The following GALNTL6 variants were observed in gnomAD, a reference collection of about 807,000 sequenced individuals.
GALNTL6 encodes polypeptide N-acetylgalactosaminyltransferase like 6, also known as polypeptide N-acetylgalactosaminyltransferase-like 6.
A neutral mutation model predicts 73.7 loss-of-function variants in GALNTL6; 46 were observed. That is an observed-to-expected ratio of 0.62 (90% confidence interval 0.49 to 0.80). GALNTL6 has a LOEUF of 0.80. Ranked by LOEUF, GALNTL6 falls within the 30% of genes least tolerant of loss-of-function variation. The pLI is 0.00. For synonymous variants in GALNTL6, 259 were observed against 263.7 expected, an observed-to-expected ratio of 0.98 and a Z score of 0.17; for missense variants, 604 against 755.0, an observed-to-expected ratio of 0.80 and a Z score of 2.34.
chr4:172,387,154 A>G (rs948471734), intron 5 of GALNTL6, among the ~76,000 whole-genome samples: 3 of 152,120 alleles, frequency 2.0e-5, no homozygotes, highest in South Asian at 2.1e-4. Flanking sequence ...ATAACCTTCT[A>G]TGGGAGTATG....
intron 2 of GALNTL6, among the ~76,000 whole-genome samples, chr4:171,991,054 G>A (rs1740316817): frequency 6.6e-6 from 1 of 152,080 alleles, no homozygotes; most frequent in African/African-American, 2.4e-5. Context: ...ATGGAACTGA[G>A]AGACTTCAGC....
chr4:172,255,009 A>T (rs1263505731), intron 3 of GALNTL6, among the ~76,000 whole-genome samples: 1 of 151,680 alleles, frequency 6.6e-6, no homozygotes, highest in Non-Finnish European at 1.5e-5. Context: ...AATAGAAATG[A>T]ATTTGTTCAT....
At chr4:172,717,747 G>A (rs1382592717) in intron 5 of GALNTL6, among the ~76,000 whole-genome samples, 1 of 152,084 alleles carries the variant, frequency 6.6e-6, no homozygotes, top group Non-Finnish European at 1.5e-5. Context: ...CTTACTAAAT[G>A]GTATCCTGGT....
At chr4:172,217,724 G>A (rs541864319) in intron 2 of GALNTL6, among the ~76,000 whole-genome samples, 8 of 152,028 alleles carry the variant, frequency 5.3e-5, no homozygotes, top group African/African-American at 1.9e-4. Context: ...TAAATTCACT[G>A]CCCACTCATT....
chr4:172,613,877 A>G lies in GALNTL6; in HGVS notation c.554-195484A>G, dbSNP rs542223510. On this transcript the variant is annotated intron_variant, in intron 5 of 12. Transcript: ENST00000506823. ...ACCCCTTTGTCTCTGCAGCAAGTGT[A>G]TCAGAGTTTATTTTCAACTAAGCTG... Among the ~76,000 whole-genome samples, 17 of 152,240 alleles carry G rather than the reference A, an allele frequency of 1.1e-4. No homozygotes were observed. The South Asian group carries it at 3.1e-3, about 28-fold the overall frequency.
intron 5 of GALNTL6, among the ~76,000 whole-genome samples, chr4:172,429,306 G>A (rs907021032): frequency 6.6e-6 from 1 of 151,472 alleles, no homozygotes; most frequent in Non-Finnish European, 1.5e-5. Flanking sequence ...CTGCATTCCG[G>A]GTTCAAGCGA....
At chr4:171,988,438 T>TGTCAGGG (rs1740189210) in intron 2 of GALNTL6, among the ~76,000 whole-genome samples, 2 of 151,992 alleles carry the variant, frequency 1.3e-5, no homozygotes, top group Admixed American at 6.6e-5. Context: ...GCCTAATGGG[T>TGTCAGGG]GTCAGGGTCA....
chr4:172,318,302 G>T (rs1740636112), intron 4 of GALNTL6, among the ~76,000 whole-genome samples: 1 of 152,150 alleles, frequency 6.6e-6, no homozygotes, highest in Non-Finnish European at 1.5e-5. Context: ...TAACTAAGAG[G>T]TATGTCCCTA....
intron 2 of GALNTL6, among the ~76,000 whole-genome samples, chr4:172,213,100 T>TA: frequency 2.5e-5 from 1 of 39,956 alleles, no homozygotes; most frequent in East Asian, 0.01. Flanking sequence ...AGTTTCATCC[T>TA]TTTTTTTTGT....
At chr4:172,385,263 T>TTATGGTTATACG (rs1743426204) in intron 5 of GALNTL6, among the ~76,000 whole-genome samples, 1 of 152,048 alleles carries the variant, frequency 6.6e-6, no homozygotes, top group African/African-American at 2.4e-5. Context: ...TCTGCTATGA[T>TTATGGTTATACG]TGCGTATTCT....
At position 172,935,501 on chromosome 4, in the gene GALNTL6, T is replaced by C. The variant is rs575742317; in HGVS notation, c.1149+4233T>C. 5.3e-4 allele frequency among the ~76,000 whole-genome samples: 80 copies of C among 152,146 alleles called. 1 individual carries two copies. The South Asian group carries it at 0.016, about 30-fold the overall frequency. On this transcript the variant is annotated intron_variant, in intron 9 of 12. Coordinates refer to ENST00000506823, the MANE Select transcript of GALNTL6 (RefSeq NM_001034845.3). ...AATCAATGAATCCAGGAGCTGGTTT[T>C]TTGAAAAGATCAACAAAATAGGTAG...
At chr4:172,087,479 AAAT>A (rs1732083307) in intron 2 of GALNTL6, among the ~76,000 whole-genome samples, 1 of 151,396 alleles carries the variant, frequency 6.6e-6, no homozygotes, top group African/African-American at 2.4e-5. Flanking sequence ...AAAAAAAACA[AAAT>A]AGAGCACTAA....
At chr4:172,637,771 AC>A (rs1427553250) in intron 5 of GALNTL6, among the ~76,000 whole-genome samples, 1 of 152,182 alleles carries the variant, frequency 6.6e-6, no homozygotes. Context: ...TAGCTCTGTC[AC>A]TAACAACACT....
At chr4:172,206,803 C>T (rs28546705) in intron 2 of GALNTL6, among the ~76,000 whole-genome samples, 543 of 13,262 alleles carry the variant, frequency 0.041, 173 homozygotes, top group Middle Eastern at 0.22. Context: ...TTTTGTTTTT[C>T]TGTTTTTTTT....
At chr4:172,475,938 C>T (rs1012386698) in intron 5 of GALNTL6, among the ~76,000 whole-genome samples, 1 of 152,140 alleles carries the variant, frequency 6.6e-6, no homozygotes, top group South Asian at 2.1e-4. Context: ...GCTAATTTGC[C>T]TTTTGCAGCA....
intron 5 of GALNTL6, among the ~76,000 whole-genome samples, chr4:172,489,192 T>C (rs1733809172): frequency 1.3e-5 from 2 of 152,194 alleles, no homozygotes; most frequent in East Asian, 3.9e-4. Flanking sequence ...GAGAAAATTA[T>C]CATTCAATTG....
intron 4 of GALNTL6, among the ~76,000 whole-genome samples, chr4:172,321,470 G>T (rs1740753091): frequency 6.6e-6 from 1 of 152,012 alleles, no homozygotes; most frequent in African/African-American, 2.4e-5. Flanking sequence ...GTCTGTGAGA[G>T]AAATCAGAGA....
intron 10 of GALNTL6, among the ~76,000 whole-genome samples, chr4:172,993,798 T>G (rs902465354): frequency 6.6e-6 from 1 of 152,192 alleles, no homozygotes; most frequent in East Asian, 1.9e-4. Flanking sequence ...GGCACATGCA[T>G]GTACTCCCAG....
chr4:172,025,965 G>C (rs1457654923), intron 2 of GALNTL6, among the ~76,000 whole-genome samples: 2 of 151,920 alleles, frequency 1.3e-5, no homozygotes, highest in African/African-American at 4.8e-5. Flanking sequence ...TCTAAGCCAA[G>C]ATAAAAATTT....
Sources: gnomAD v4.1 joint callset for allele counts (sites outside exome capture counted in the v4.1 genomes callset) on GRCh38, gnomAD v4.1.1 for gene constraint, MANE v1.5 for transcripts, NCBI Gene and HGNC (gene_info 2026-07-23, HGNC 2026-07-21) for gene names.